Variants in HIBCH observed in about 807,000 individuals in gnomAD.
HIBCH encodes 3-hydroxyisobutyryl-CoA hydrolase, mitochondrial.
In HIBCH, 50 loss-of-function variants were observed where a neutral mutation model predicts 58.2. That is an observed-to-expected ratio of 0.86 (90% CI 0.68 to 1.09). The LOEUF (loss-of-function observed/expected upper bound fraction) is 1.09, where lower values mean the gene tolerates loss of function less well. Ranked by LOEUF, HIBCH falls within the 50% of genes least tolerant of loss-of-function variation. The pLI is 0.00. For missense variants in HIBCH, 450 were observed against 449.7 expected, an observed-to-expected ratio of 1.00 and a Z score of -0.01; for synonymous variants, 151 against 146.9, an observed-to-expected ratio of 1.03 and a Z score of -0.20.
At chr2:190,311,223 A>C (rs1209594630) in intron 1 of HIBCH, among the ~76,000 whole-genome samples, 3 of 152,242 alleles carry the variant, frequency 2.0e-5, no homozygotes, top group Non-Finnish European at 4.4e-5. Flanking sequence ...TGATATTCTG[A>C]AAAGGGCAAA....
At chr2:190,302,298 A>G (rs1688283205) in intron 2 of HIBCH, among the ~76,000 whole-genome samples, 1 of 152,182 alleles carries the variant, frequency 6.6e-6, no homozygotes. Flanking sequence ...AGGAGGGGCT[A>G]TGAATATTCA....
chr2:190,197,735 C>T lies in HIBCH; in HGVS notation c.*17+7365G>A, dbSNP rs1313045341. On this transcript the variant is annotated intron_variant, in intron 1 of 1. Coordinates refer to the HIBCH transcript ENST00000399855. The surrounding 1 kb of genome is among the most constrained non-coding windows in gnomAD (Gnocchi z 4.0). ...GCTCTATGCCTGAAAATAATGGCAACATATATTTTGTCTGGTTTTAAAACT... is the reference window on the plus strand; with the variant it reads ...GCTCTATGCCTGAAAATAATGGCAATATATATTTTGTCTGGTTTTAAAACT... 6.6e-6 allele frequency among the ~76,000 whole-genome samples: 1 copy of T among 152,174 alleles called. No homozygotes were observed. The highest frequency in any genetic ancestry group is 1.5e-5 in the Non-Finnish European group (1 of 68,032).
At chr2:190,234,009 T>A (rs149990671) in intron 11 of HIBCH, among the ~76,000 whole-genome samples, 2 of 151,986 alleles carry the variant, frequency 1.3e-5, no homozygotes, top group Non-Finnish European at 2.9e-5. Flanking sequence ...AATGCAAAAT[T>A]AGCCAGGAGT....
intron 1 of HIBCH, among the ~76,000 whole-genome samples, chr2:190,193,092 A>AAAGTGTTGTCT (rs1558998840): frequency 6.6e-6 from 1 of 152,162 alleles, no homozygotes; most frequent in African/African-American, 2.4e-5. Context: ...TCATAGGGAA[A>AAAGTGTTGTCT]AAGTGTTGTC....
At chr2:190,266,403 C>A (rs990895183) in intron 6 of HIBCH, among the ~76,000 whole-genome samples, 1 of 152,092 alleles carries the variant, frequency 6.6e-6, no homozygotes, top group Non-Finnish European at 1.5e-5. Flanking sequence ...ACTTTTAGAG[C>A]TTTCCACTTG....
chr2:190,212,720 T>C (rs765837798), intron 12 of HIBCH, among the ~76,000 whole-genome samples: 2 of 152,220 alleles, frequency 1.3e-5, no homozygotes, highest in Non-Finnish European at 2.9e-5. Context: ...AAGATGAGGT[T>C]AGAGAGCTTC....
intron 11 of HIBCH, among the ~76,000 whole-genome samples, chr2:190,237,717 T>C (rs1464717876): frequency 6.6e-6 from 1 of 152,132 alleles, no homozygotes; most frequent in Non-Finnish European, 1.5e-5. Flanking sequence ...GTTTGTTACA[T>C]AGGTATACAC....
intron 6 of HIBCH, 129 bp from the exon 7 acceptor site, chr2:190,261,363 G>A (rs1687084882): frequency 2.9e-6 from 2 of 692,558 alleles, no homozygotes; most frequent in Non-Finnish European, 5.1e-6. Flanking sequence ...ACTTGCTTCA[G>A]GGAATAGGTT....
At chr2:190,230,979 T>G (rs1259718306) in intron 11 of HIBCH, among the ~76,000 whole-genome samples, 2 of 152,062 alleles carry the variant, frequency 1.3e-5, no homozygotes, top group African/African-American at 4.8e-5. Context: ...AAAACACGTA[T>G]CACGAAAAAA....
At chr2:190,273,704 T>TAA (rs34435266) in intron 6 of HIBCH, among the ~76,000 whole-genome samples, 18 of 151,680 alleles carry the variant, frequency 1.2e-4, no homozygotes, top group South Asian at 8.3e-4. Context: ...CCAGTTTTTT[T>TAA]AAAAAAAAAA....
rs1686512735 is a variant in HIBCH, at chr2:190,243,543, T to A, written c.891+1344A>T. Among the ~76,000 whole-genome samples, 2 of 152,228 alleles carry A rather than the reference T, an allele frequency of 1.3e-5. No individual in the cohort carries two copies. Among genetic ancestry groups the A allele is most frequent in the African/African-American group, 2.4e-5 (1 of 41,476 alleles). ...CTGGAAGTTGTTAATATTAACAATCTACTTTTGTGAGTTAGGCAAATAAAT... is the reference window on the plus strand; with the variant it reads ...CTGGAAGTTGTTAATATTAACAATCAACTTTTGTGAGTTAGGCAAATAAAT... On this transcript the variant is annotated intron_variant, in intron 11 of 13. Coordinates refer to ENST00000359678, the MANE Select transcript of HIBCH (RefSeq NM_014362.4). The surrounding 1 kb of genome is among the most constrained non-coding windows in gnomAD (Gnocchi z 4.1).
chr2:190,310,994 C>T, intron 1 of HIBCH, 198 bp from the exon 2 acceptor site: 1 of 693,904 alleles, frequency 1.4e-6, no homozygotes. Context: ...TTTATGGTAA[C>T]TTTATTCATA....
chr2:190,265,919 G>A (rs891479678), intron 6 of HIBCH, among the ~76,000 whole-genome samples: 27 of 151,488 alleles, frequency 1.8e-4, no homozygotes, highest in Admixed American at 1.8e-3. Context: ...TTATCACTAA[G>A]GATTTATCAG....
At chr2:190,223,387 C>T (rs1043303238) in intron 11 of HIBCH, among the ~76,000 whole-genome samples, 5 of 152,194 alleles carry the variant, frequency 3.3e-5, no homozygotes, top group Admixed American at 3.3e-4. Flanking sequence ...TGCATGCCAC[C>T]ATGCCCTATT....
rs1375066091 is a variant in HIBCH at position 190,306,159 on chromosome 2, G to T, written c.78+4595C>A. 6.6e-6 allele frequency among the ~76,000 whole-genome samples: 1 copy of T among 151,898 alleles called. No individual in the cohort carries two copies. The highest frequency in any genetic ancestry group is 2.4e-5 in the African/African-American group (1 of 41,342). On this transcript the variant is annotated intron_variant, in intron 2 of 13. Transcript: ENST00000359678. This position sits in a 1 kb window ranked among gnomAD's most constrained non-coding sequence, Gnocchi z 4.6. ...AGACAACCACCGAAAGTATAATATA[G>T]AACTTAGTCAATTACTATAATGCAA...
intron 2 of HIBCH, among the ~76,000 whole-genome samples, chr2:190,309,071 A>C (rs555371131): frequency 6.6e-6 from 1 of 152,326 alleles, no homozygotes; most frequent in East Asian, 1.9e-4. Context: ...TAAATACTTC[A>C]TAAAACACCC....
At chr2:190,199,062 T>C (rs991246745), downstream of HIBCH, among the ~76,000 whole-genome samples, 1 of 152,208 alleles carries the variant, frequency 6.6e-6, no homozygotes, top group African/African-American at 2.4e-5. Flanking sequence ...AAGCCAACAT[T>C]GTTTACTACT....
intron 4 of HIBCH, among the ~76,000 whole-genome samples, chr2:190,293,862 G>T (rs1017843533): frequency 5.9e-5 from 9 of 151,842 alleles, no homozygotes; most frequent in Middle Eastern, 3.4e-3. Flanking sequence ...CTGATGCTGA[G>T]AACAGACATT....
At chr2:190,301,257 A>G (rs1414485260) in intron 2 of HIBCH, among the ~76,000 whole-genome samples, 2 of 152,160 alleles carry the variant, frequency 1.3e-5, no homozygotes, top group African/African-American at 4.8e-5. Context: ...AGGGGAAGGA[A>G]AACCCTCAAG....
Sources: allele counts gnomAD v4.1 joint callset (sites outside exome capture counted in the v4.1 genomes callset), GRCh38; gene constraint gnomAD v4.1.1; non-coding constraint Gnocchi (gnomAD v3.1); transcripts MANE v1.5; gene names NCBI Gene and HGNC (gene_info 2026-07-23, HGNC 2026-07-21).